The following MPPED2 variants were observed in gnomAD, a reference collection of about 807,000 sequenced individuals.
MPPED2 encodes metallophosphoesterase domain containing 2, also known as metallophosphoesterase MPPED2.
A neutral mutation model predicts 33.0 loss-of-function variants in MPPED2; 5 were observed. That is an observed-to-expected ratio of 0.15 (90% CI 0.08 to 0.32). The LOEUF (loss-of-function observed/expected upper bound fraction) is 0.32, where lower values mean the gene tolerates loss of function less well. MPPED2 is among the 10% of genes least tolerant of loss of function. MPPED2 has a pLI of 1.00. For missense variants in MPPED2, 275 were observed against 372.1 expected, an observed-to-expected ratio of 0.74 and a Z score of 2.15; for synonymous variants, 136 against 141.9, an observed-to-expected ratio of 0.96 and a Z score of 0.29.
intron 1 of MPPED2, chr11:30,585,060 G>A (rs1318795041): frequency 2.0e-5 from 3 of 152,058 alleles, no homozygotes; most frequent in African/African-American, 4.8e-5. Flanking sequence ...TTATTTTCTT[G>A]CTGACGGATT....
At chr11:30,508,334 A>C (rs933585911) in intron 3 of MPPED2, among the ~76,000 whole-genome samples, 2 of 152,190 alleles carry the variant, frequency 1.3e-5, no homozygotes, top group African/African-American at 4.8e-5. Flanking sequence ...AGGTAAATGC[A>C]TACTACATTT....
At chr11:30,565,852 T>C (rs1461171023) in intron 2 of MPPED2, among the ~76,000 whole-genome samples, 1 of 152,222 alleles carries the variant, frequency 6.6e-6, no homozygotes, top group African/African-American at 2.4e-5. Context: ...CTCCATTGCA[T>C]ACTTACTTTG....
At chr11:30,447,200 G>A (rs890339511) in intron 4 of MPPED2, among the ~76,000 whole-genome samples, 2 of 152,100 alleles carry the variant, frequency 1.3e-5, no homozygotes, top group African/African-American at 2.4e-5. Context: ...GATTCCACTG[G>A]ACCAAAAGCC....
chr11:30,541,497 A>G (rs931222276), intron 2 of MPPED2, among the ~76,000 whole-genome samples: 134 of 152,330 alleles, frequency 8.8e-4, no homozygotes, highest in African/African-American at 3.0e-3. Flanking sequence ...GAGAGAATAG[A>G]ACTGTATCCT....
chr11:30,489,034 TTTC>T (rs1201048871), intron 4 of MPPED2, among the ~76,000 whole-genome samples: 17 of 127,544 alleles, frequency 1.3e-4, no homozygotes, highest in Admixed American at 5.4e-4. Context: ...TCTTTTCTTT[TTTC>T]TTCTTCTTCT....
chr11:30,522,562 T>A (rs1331629935), intron 3 of MPPED2, among the ~76,000 whole-genome samples: 2 of 152,208 alleles, frequency 1.3e-5, no homozygotes, highest in Non-Finnish European at 2.9e-5. Context: ...AAATAATTAA[T>A]CAATGGAGGC....
At chr11:30,543,814 TTTTA>T (rs772583625) in intron 2 of MPPED2, among the ~76,000 whole-genome samples, 28,218 of 132,632 alleles carry the variant, frequency 0.21, 2,639 homozygotes, top group East Asian at 0.35. Context: ...TTTTTTTTTT[TTTTA>T]AACTAGGAGC....
At chr11:30,463,844 G>C (rs1257411652) in intron 4 of MPPED2, among the ~76,000 whole-genome samples, 1 of 129,416 alleles carries the variant, frequency 7.7e-6, no homozygotes, top group African/African-American at 3.3e-5. Context: ...TGTCTAAACT[G>C]TTATTTTATA....
In MPPED2 at chr11:30,446,779, T is replaced by C. The variant is rs566203579; in HGVS notation, c.537-29146A>G. ...CTCTCTTAATGGAAAGCAAGCAGCC[T>C]AATTTGTTTGCCAAGACTGTCGGAG... is the stretch of plus-strand genomic sequence containing the variant. On this transcript the variant is annotated intron_variant, in intron 4 of 6. Coordinates refer to ENST00000358117, the MANE Select transcript of MPPED2 (RefSeq NM_001584.3). Among the ~76,000 whole-genome samples the C allele has an allele frequency of 6.2e-4, 94 of 152,266 alleles. 1 individual carries two copies. The highest frequency in any genetic ancestry group is 1.2e-3 in the Non-Finnish European group (80 of 68,022).
At chr11:30,452,227 C>T (rs1274560465) in intron 4 of MPPED2, 1 of 298,708 alleles carries the variant, frequency 3.3e-6, no homozygotes, top group Non-Finnish European at 4.9e-6. Flanking sequence ...TGCACTGACC[C>T]CTATGTGCCC....
At chr11:30,554,597 T>C (rs1373479579) in intron 2 of MPPED2, among the ~76,000 whole-genome samples, 1 of 4,688 alleles carries the variant, frequency 2.1e-4, no homozygotes, top group Non-Finnish European at 3.6e-4. Flanking sequence ...TTCAGGAGAT[T>C]CTCGTGCCTC....
At chr11:30,531,368 C>T (rs1394527703) in intron 3 of MPPED2, among the ~76,000 whole-genome samples, 2 of 152,116 alleles carry the variant, frequency 1.3e-5, no homozygotes, top group African/African-American at 4.8e-5. Context: ...GTCTGATTAG[C>T]CAGACTGGGG....
At chr11:30,456,213 C>T (rs1431595572) in intron 4 of MPPED2, among the ~76,000 whole-genome samples, 4 of 152,210 alleles carry the variant, frequency 2.6e-5, no homozygotes, top group African/African-American at 7.2e-5. Context: ...GGAGAAGAGA[C>T]GATTAAGGAA....
chr11:30,461,462 C>A (rs1253576538), intron 4 of MPPED2, among the ~76,000 whole-genome samples: 4 of 152,120 alleles, frequency 2.6e-5, no homozygotes, highest in African/African-American at 9.7e-5. Flanking sequence ...GAACTGGCCT[C>A]GGTGAGTACT....
At chr11:30,421,787 C>A (rs1590204721) in intron 4 of MPPED2, among the ~76,000 whole-genome samples, 2 of 152,192 alleles carry the variant, frequency 1.3e-5, no homozygotes, top group South Asian at 4.1e-4. Flanking sequence ...AGTAAGGCTG[C>A]TCCATACAGA....
chr11:30,490,759 A>T lies in MPPED2; in HGVS notation c.536+4537T>A, dbSNP rs560208681. The stretch of plus-strand genomic sequence containing the variant: ...CTGTAAATTAGAAAACACTACTTTA[A>T]TTCTCCCTAGTCTTGAGGTAGCTTT... On this transcript the variant is annotated intron_variant, in intron 4 of 6. Coordinates refer to ENST00000358117, the MANE Select transcript of MPPED2 (RefSeq NM_001584.3). Among the ~76,000 whole-genome samples, 36 of 152,288 alleles carry T rather than the reference A, an allele frequency of 2.4e-4. No homozygotes were observed. In the South Asian group the frequency reaches 7.5e-3, roughly 32 times the overall value.
intron 3 of MPPED2, among the ~76,000 whole-genome samples, chr11:30,515,682 T>C (rs979293156): frequency 6.6e-6 from 1 of 152,192 alleles, no homozygotes; most frequent in African/African-American, 2.4e-5. Context: ...CAAAGTTAAT[T>C]TGCTTCCTAA....
intron 4 of MPPED2, among the ~76,000 whole-genome samples, chr11:30,449,686 C>T (rs1056018713): frequency 1.3e-5 from 2 of 152,160 alleles, no homozygotes; most frequent in African/African-American, 2.4e-5. Context: ...GTTATCTGTT[C>T]TCCCCTTTTC....
At chr11:30,586,939 CA>C, upstream of MPPED2, 1 of 152,424 alleles carries the variant, frequency 6.6e-6, no homozygotes, top group Non-Finnish European at 1.5e-5. The surrounding 1 kb of genome is among the most constrained non-coding windows in gnomAD (Gnocchi z 4.8). Flanking sequence ...GACACACACA[CA>C]CACACACACG....
Sources: allele counts gnomAD v4.1 joint callset (sites outside exome capture counted in the v4.1 genomes callset), GRCh38; gene constraint gnomAD v4.1.1; non-coding constraint Gnocchi (gnomAD v3.1); transcripts MANE v1.5; gene names NCBI Gene and HGNC (gene_info 2026-07-23, HGNC 2026-07-21).